CPNE4: variants seen among roughly 807,000 people sequenced by gnomAD.
The protein encoded by CPNE4 is copine-4.
A neutral mutation model predicts 67.9 loss-of-function variants in CPNE4; 25 were observed. That is an observed-to-expected ratio of 0.37 (90% CI 0.27 to 0.51). CPNE4 has a LOEUF of 0.51. CPNE4 is among the 20% of genes least tolerant of loss of function. CPNE4 has a pLI of 0.93. For missense variants in CPNE4, 464 were observed against 690.8 expected (o/e 0.67, Z 3.68); for synonymous variants, 242 against 244.9 (o/e 0.99, Z 0.11).
chr3:131,843,227 G>A (rs2085864189), intron 2 of CPNE4, among the ~76,000 whole-genome samples: 1 of 152,176 alleles, frequency 6.6e-6, no homozygotes, highest in African/African-American at 2.4e-5. Context: ...CTTCTGGAAG[G>A]CAGTGGGGAG....
At chr3:131,817,094 T>A (rs548736579) in intron 2 of CPNE4, among the ~76,000 whole-genome samples, 1 of 152,226 alleles carries the variant, frequency 6.6e-6, no homozygotes, top group South Asian at 2.1e-4. Context: ...TCAGCACACA[T>A]CAGCAATGTT....
chr3:131,978,155 A>G (rs1195620875), intron 1 of CPNE4, among the ~76,000 whole-genome samples: 2 of 72,332 alleles, frequency 2.8e-5, no homozygotes, highest in African/African-American at 8.2e-5. Flanking sequence ...TATAAAATAT[A>G]TAAATATATA....
intron 7 of CPNE4, among the ~76,000 whole-genome samples, chr3:131,638,935 T>C (rs1246729985): frequency 6.6e-6 from 1 of 152,022 alleles, no homozygotes; most frequent in African/African-American, 2.4e-5. Context: ...ATGAAATCAA[T>C]ATGGAAATTA....
chr3:131,948,789 AAAC>A (rs759927245), intron 1 of CPNE4, among the ~76,000 whole-genome samples: 45 of 152,336 alleles, frequency 3.0e-4, no homozygotes, highest in African/African-American at 1.0e-3. Flanking sequence ...ATTAAATTGA[AAAC>A]AACAAGTGGT....
intron 2 of CPNE4, among the ~76,000 whole-genome samples, chr3:131,893,171 G>A (rs2088183185): frequency 6.6e-6 from 1 of 151,914 alleles, no homozygotes; most frequent in Non-Finnish European, 1.5e-5. Context: ...GACAAAAAGT[G>A]TGTAGCCATA....
intron 1 of CPNE4, among the ~76,000 whole-genome samples, chr3:131,961,857 C>CTCTCCCT (rs1390303354): frequency 1.3e-5 from 2 of 152,110 alleles, no homozygotes; most frequent in Non-Finnish European, 2.9e-5. Flanking sequence ...CTGTTTATCT[C>CTCTCCCT]TCTCCCTTCT....
chr3:131,661,717 A>C (rs2080130931), intron 7 of CPNE4, among the ~76,000 whole-genome samples: 1 of 152,134 alleles, frequency 6.6e-6, no homozygotes, highest in African/African-American at 2.4e-5. Flanking sequence ...ATCTGACCAG[A>C]TCTCCAGAAA....
chr3:131,984,822 C>G (rs2073003254), intron 1 of CPNE4, among the ~76,000 whole-genome samples: 1 of 152,176 alleles, frequency 6.6e-6, no homozygotes, highest in South Asian at 2.1e-4. Flanking sequence ...TGAGGTCTAT[C>G]TTCCACATTG....
Position 131,789,084 on chromosome 3 carries a change from T to A in CPNE4, c.181-65459A>T, listed in dbSNP as rs577089187. Among the ~76,000 whole-genome samples the A allele has an allele frequency of 6.7e-5, 10 of 149,168 alleles. No homozygotes were observed. In the South Asian group the frequency reaches 1.7e-3, roughly 25 times the overall value. On this transcript the variant is annotated intron_variant, in intron 2 of 15. Coordinates refer to ENST00000429747, the MANE Select transcript of CPNE4 (RefSeq NM_130808.3). ...GAAAGACTTTTACATAAGAGGCTAA[T>A]AATAAAGGAAACTTCCACCTGGTCC...
Position 132,023,210 on chromosome 3 carries a change from C to CT in CPNE4, c.-2+11356dup, listed in dbSNP as rs1218963806. Among the ~76,000 whole-genome samples, 4 of 152,172 alleles carry CT rather than the reference C, an allele frequency of 2.6e-5. No homozygotes were observed. The East Asian group carries it at 5.8e-4, about 22-fold the overall frequency. ...CACGCACTCTAGTCCAATCGTTCAT[C>CT]TTTTTTCTCTTGCTTTAATGAGGCA... On this transcript the variant is annotated intron_variant, in intron 1 of 15. Coordinates refer to ENST00000429747, the MANE Select transcript of CPNE4 (RefSeq NM_130808.3).
chr3:131,928,968 G>A (rs2070974171), intron 1 of CPNE4, among the ~76,000 whole-genome samples: 1 of 152,104 alleles, frequency 6.6e-6, no homozygotes, highest in African/African-American at 2.4e-5. Flanking sequence ...AGGAATAGCT[G>A]AGGAAAAGCA....
chr3:131,736,843 G>A (rs773414405), intron 2 of CPNE4, among the ~76,000 whole-genome samples: 10 of 152,100 alleles, frequency 6.6e-5, no homozygotes, highest in East Asian at 5.8e-4. Context: ...ACACCACAAA[G>A]CTCTCCAATT....
At chr3:131,674,649 G>C (rs1333145037) in intron 6 of CPNE4, among the ~76,000 whole-genome samples, 1 of 151,670 alleles carries the variant, frequency 6.6e-6, no homozygotes, top group East Asian at 1.9e-4. Context: ...CTAATTTTCT[G>C]CAGTATTTGT....
intron 2 of CPNE4, among the ~76,000 whole-genome samples, chr3:131,815,615 G>A (rs115231590): frequency 0.02 from 2,979 of 152,272 alleles, 102 homozygotes; most frequent in African/African-American, 0.068. Flanking sequence ...TGTGCCACTT[G>A]CCACCTGGCA....
chr3:131,788,966 C>T lies in CPNE4; in HGVS notation c.181-65341G>A, dbSNP rs1019387453. Among the ~76,000 whole-genome samples the T allele has an allele frequency of 2.0e-5, 3 of 151,320 alleles. No individual in the cohort carries two copies. In the Admixed American group the frequency reaches 2.0e-4, roughly 10 times the overall value. On this transcript the variant is annotated intron_variant, in intron 2 of 15. Coordinates refer to ENST00000429747, the MANE Select transcript of CPNE4 (RefSeq NM_130808.3). Reference sequence around the variant, plus strand: ...CTTTTCTTTATTCTTAAAATTTTCACACTGTGCACATATTAATGATATTCA... The same window carrying T: ...CTTTTCTTTATTCTTAAAATTTTCATACTGTGCACATATTAATGATATTCA...
chr3:131,699,960 C>T lies in CPNE4; in HGVS notation c.381G>A (p.Leu127=). The change falls in exon 4 of 16, where the codon CTG becomes CTA. Residue 127 remains leucine (L), a synonymous_variant. Transcript: ENST00000429747. ...TLGQIVSQRK[L]SKSLLKHGNT... ...TCCCATGCTTCAGCAAGGATTTGGA[C>T]AGCTTTCTCTGGGAAACAATCTGCA... 2 of 1,608,360 alleles carry T rather than the reference C, an allele frequency of 1.2e-6. No homozygotes were observed. Among genetic ancestry groups the T allele is most frequent in the Admixed American group, 1.7e-5 (1 of 59,666 alleles).
At chr3:131,889,171 G>T (rs1231729566) in intron 2 of CPNE4, among the ~76,000 whole-genome samples, 2 of 152,142 alleles carry the variant, frequency 1.3e-5, no homozygotes, top group Non-Finnish European at 1.5e-5. Flanking sequence ...CATGGAATAA[G>T]TTCTATTGTT....
At chr3:132,015,903 G>A (rs991726221) in intron 1 of CPNE4, among the ~76,000 whole-genome samples, 2 of 152,218 alleles carry the variant, frequency 1.3e-5, no homozygotes, top group African/African-American at 4.8e-5. Flanking sequence ...AAGAATTGGG[G>A]CTTCTCAGAC....
Position 131,551,114 on chromosome 3 carries a change from C to G in CPNE4, c.1169-1034G>C, listed in dbSNP as rs571160309. Among the ~76,000 whole-genome samples the G allele has an allele frequency of 2.0e-5, 3 of 152,222 alleles. No individual in the cohort carries two copies. The South Asian group carries it at 6.2e-4, about 32-fold the overall frequency. ...CTGTTTTTGGCCAGAGGGATCCACACAATTCCCTCCTGAGATTATTCTCCA... is the reference window on the plus strand; with the variant it reads ...CTGTTTTTGGCCAGAGGGATCCACAGAATTCCCTCCTGAGATTATTCTCCA... On this transcript the variant is annotated intron_variant, in intron 13 of 15. Transcript: ENST00000429747.
Sources: gnomAD v4.1 joint callset for allele counts (sites outside exome capture counted in the v4.1 genomes callset) on GRCh38, gnomAD v4.1.1 for gene constraint, MANE v1.5 for transcripts, NCBI Gene and HGNC (gene_info 2026-07-23, HGNC 2026-07-21) for gene names.